Variants in MYO7A observed in about 807,000 individuals in gnomAD.
The protein encoded by MYO7A is myosin VIIA, also known as unconventional myosin-VIIa.
Under a neutral mutation model 263.8 loss-of-function variants are expected in MYO7A, and 210 were observed. The ratio of observed to expected loss-of-function variants is 0.80; its 90% confidence interval spans 0.71 to 0.89. MYO7A has a LOEUF of 0.89. Among genes scored for constraint, MYO7A ranks in the 40% least tolerant of loss-of-function variants. The probability of loss-of-function intolerance (pLI) is 0.00; values close to 1 mark genes in which losing one functional copy is unlikely to be tolerated. For synonymous variants in MYO7A, 1,239 were observed against 1,197.3 expected (o/e 1.03, Z -0.72); for missense variants, 2,820 against 2,968.3 (o/e 0.95, Z 1.16).
Position 77,142,849 on chromosome 11 carries a change from C to A in MYO7A, c.132+27C>A, listed in dbSNP as rs370588817. The A allele has an allele frequency of 3.9e-6, 6 of 1,553,626 alleles. No individual in the cohort carries two copies. In the African/African-American group the frequency reaches 6.8e-5, roughly 18 times the overall value. ...TGAGTAGTCCCCTCCCTCCTCCTGC[C>A]CCATGCCTTGGGGTCAGACCTGGGC... On this transcript the variant is annotated intron_variant, in intron 3 of 48. Transcript: ENST00000409709.
At position 77,189,385 on chromosome 11, in the gene MYO7A, A is replaced by G. The variant is rs782633598; in HGVS notation, c.3545A>G (p.Asn1182Ser). ...CAGATCAGCAAGCAGCTGACCCACA[A>G]CCCCTCCAAGAGCAGCTATGCCCGG... ...YCQISKQLTH[N>S]PSKSSYARGW... The change falls in exon 28 of 49, where the codon AAC (asparagine) becomes AGC (serine). Residue 1182 changes from asparagine (N) to serine (S), a missense_variant. By Grantham distance (46) the Asn-to-Ser change is conservative. Transcript: ENST00000409709. 1.9e-6 allele frequency: 3 copies of G among 1,613,514 alleles called. No homozygotes were observed. The East Asian group carries it at 6.7e-5, about 36-fold the overall frequency.
At chr11:77,178,376 C>T (rs1954861496) in intron 19 of MYO7A, among the ~76,000 whole-genome samples, 1 of 149,140 alleles carries the variant, frequency 6.7e-6, no homozygotes, top group Non-Finnish European at 1.5e-5. Flanking sequence ...ATTCACTCAT[C>T]AGTCCACCCA....
In MYO7A at chr11:77,213,009, G is replaced by A. The variant is rs367647666; in HGVS notation, c.6412G>A (p.Val2138Ile). The A allele has an allele frequency of 4.2e-5, 67 of 1,588,816 alleles. No homozygotes were observed. The highest frequency in any genetic ancestry group is 5.5e-5 in the Non-Finnish European group (64 of 1,166,978). The change falls in exon 47 of 49, where the codon GTC becomes ATC. Residue 2138 changes from valine to isoleucine, a missense_variant. Val to Ile is a conservative substitution (Grantham distance 29). Transcript: ENST00000409709. Reference sequence around the variant, plus strand: ...CCTAATTGCCATCAACAAGTATGGGGTCAGCCTCATCGATCCCAAAACGAA... The same window carrying A: ...CCTAATTGCCATCAACAAGTATGGGATCAGCCTCATCGATCCCAAAACGAA... The part of the protein sequence containing the change: ...ILLIAINKYG[V>I]SLIDPKTKDI...
In MYO7A at chr11:77,211,281, C is replaced by T. The variant is rs780940577; in HGVS notation, c.6181C>T (p.Arg2061Trp). 1.2e-5 allele frequency: 19 copies of T among 1,581,132 alleles called. No homozygotes were observed. Among genetic ancestry groups the T allele is most frequent in the South Asian group, 3.5e-5 (3 of 86,010 alleles). ...CTTCCCCAGCATCCCCAAGCTGCTG[C>T]GGGAGCTGGTGCCCCAGGACCTTAT... ...SYFPSIPKLL[R>W]ELVPQDLIRQ... The change falls in exon 45 of 49, where the codon CGG (arginine) becomes TGG (tryptophan). Residue 2061 changes from arginine to tryptophan, a missense_variant. Physicochemically the swap from Arg to Trp is moderately radical, Grantham distance 101. Coordinates refer to ENST00000409709, the MANE Select transcript of MYO7A (RefSeq NM_000260.4).
rs782339376 is a variant in MYO7A at position 77,181,450 on chromosome 11, AGAAGGAGCTCCTGG to A, written c.2766_2779del (p.Lys923AlafsTer8). On this transcript the variant is annotated frameshift_variant, in exon 23 of 49. Coordinates refer to ENST00000409709, the MANE Select transcript of MYO7A (RefSeq NM_000260.4). LOFTEE classifies it high-confidence loss of function. ...AAGGAGAAGGAGGCCGCTCGGCGGAAGAAGGAGCTCCTGGAGCAGATGGAAAGGGCCCGCCATGA... is the reference window on the plus strand; with the variant it reads ...AAGGAGAAGGAGGCCGCTCGGCGGAAAGCAGATGGAAAGGGCCCGCCATGA... The A allele has an allele frequency of 4.6e-5, 74 of 1,608,872 alleles. No homozygotes were observed. The highest frequency in any genetic ancestry group is 5.9e-6 in the Non-Finnish European group (7 of 1,178,152).
At chr11:77,181,898 C>A (rs946623749) in intron 23 of MYO7A, 53 bp from the exon 24 acceptor site, 1 of 1,570,840 alleles carries the variant, frequency 6.4e-7, no homozygotes, top group Non-Finnish European at 8.7e-7. Context: ...GATCCTCCCA[C>A]CTGAGCTTCC....
At chr11:77,161,665 G>T (rs886121917) in intron 12 of MYO7A, among the ~76,000 whole-genome samples, 5 of 152,276 alleles carry the variant, frequency 3.3e-5, no homozygotes, top group Non-Finnish European at 7.4e-5. Context: ...GGCTGTGTCC[G>T]TGGCTCGGCC....
intron 4 of MYO7A, among the ~76,000 whole-genome samples, chr11:77,153,066 G>A (rs1156790172): frequency 2.6e-5 from 4 of 152,168 alleles, no homozygotes; most frequent in African/African-American, 9.7e-5. Context: ...CAGCTGGAGG[G>A]TTTTCAGCAG....
chr11:77,179,777 C>T lies in MYO7A; in HGVS notation c.2410C>T (p.Arg804Trp), dbSNP rs778880077. 9.0e-6 allele frequency: 14 copies of T among 1,551,306 alleles called. No homozygotes were observed. The highest frequency in any genetic ancestry group is 7.7e-5 in the Admixed American group (4 of 52,074). ...GCGGCTGCAGGCCCTGCACCGCTCC[C>T]GGAAGCTGCACCAGCAGTACCGCCT... ...FLRLQALHRS[R>W]KLHQQYRLAR... The change falls in exon 21 of 49, where the codon CGG becomes TGG. Residue 804 changes from arginine to tryptophan, a missense_variant. Arg to Trp is a moderately radical substitution (Grantham distance 101). Transcript: ENST00000409709.
intron 40 of MYO7A, 119 bp downstream of exon 40, chr11:77,205,736 A>T: frequency 2.2e-6 from 3 of 1,336,792 alleles, no homozygotes; most frequent in Non-Finnish European, 3.1e-6. Flanking sequence ...CCCCTGGGGT[A>T]CCTCAACTGC....
Position 77,189,410 on chromosome 11 carries a change from G to A in MYO7A, c.3570G>A (p.Arg1190=). The A allele has an allele frequency of 6.2e-7, 1 of 1,613,932 alleles. No homozygotes were observed. Residue 1190 remains arginine (R), a synonymous_variant, in exon 28 of 49, where the codon CGG becomes CGA. Coordinates refer to ENST00000409709, the MANE Select transcript of MYO7A (RefSeq NM_000260.4). ...THNPSKSSYA[R]GWILVSLCVG... ...ACCCCTCCAAGAGCAGCTATGCCCGGGGCTGGATTCTCGTGTCTCTCTGCG... is the reference window on the plus strand; with the variant it reads ...ACCCCTCCAAGAGCAGCTATGCCCGAGGCTGGATTCTCGTGTCTCTCTGCG...
intron 9 of MYO7A, among the ~76,000 whole-genome samples, 168 bp downstream of exon 9, chr11:77,158,598 T>C (rs571144939): frequency 1.3e-5 from 2 of 152,322 alleles, no homozygotes; most frequent in East Asian, 3.9e-4. Flanking sequence ...GTCTGCTAGA[T>C]TGAAATCAGC....
chr11:77,160,415 GTCGGC>G, intron 11 of MYO7A, 133 bp downstream of exon 11: 1 of 1,332,812 alleles, frequency 7.5e-7, no homozygotes, highest in Non-Finnish European at 1.0e-6. Context: ...CGGGGCTGCA[GTCGGC>G]CTTCCTTGAG....
intron 3 of MYO7A, among the ~76,000 whole-genome samples, chr11:77,146,739 C>A (rs1951596013): frequency 6.6e-6 from 1 of 152,036 alleles, no homozygotes; most frequent in Non-Finnish European, 1.5e-5. Flanking sequence ...CCCTTTCCCC[C>A]CAGAAGGCAG....
intron 14 of MYO7A, among the ~76,000 whole-genome samples, chr11:77,164,300 G>T (rs1463301744): frequency 2.0e-5 from 3 of 151,952 alleles, no homozygotes; most frequent in African/African-American, 7.3e-5. Context: ...TTAGTTATGG[G>T]CTGTGTCTAC....
chr11:77,213,753 G>T, intron 47 of MYO7A, 107 bp from the exon 48 acceptor site: 2 of 1,520,976 alleles, frequency 1.3e-6, no homozygotes, highest in African/African-American at 1.4e-5. Flanking sequence ...TTTTCCCTCC[G>T]GCCATGGGCT....
At chr11:77,151,889 G>T (rs1952000088) in intron 4 of MYO7A, among the ~76,000 whole-genome samples, 1 of 152,338 alleles carries the variant, frequency 6.6e-6, no homozygotes, top group African/African-American at 2.4e-5. Context: ...GTTTGGGGAA[G>T]CCCAGGTGGA....
chr11:77,197,325 G>C (rs1339889970), intron 32 of MYO7A, among the ~76,000 whole-genome samples, 156 bp from the exon 33 acceptor site: 2 of 152,272 alleles, frequency 1.3e-5, no homozygotes, highest in Admixed American at 1.3e-4. Context: ...GGTGGGGACA[G>C]GGTGGCTGCA....
intron 30 of MYO7A, among the ~76,000 whole-genome samples, chr11:77,191,477 C>T (rs993078554): frequency 6.6e-6 from 1 of 152,178 alleles, no homozygotes; most frequent in East Asian, 1.9e-4. Context: ...GCTGCGCAGC[C>T]CTTGTGTGCA....
Sources: gnomAD v4.1 joint callset for allele counts (sites outside exome capture counted in the v4.1 genomes callset) on GRCh38, gnomAD v4.1.1 for gene constraint, MANE v1.5 for transcripts, NCBI Gene and HGNC (gene_info 2026-07-23, HGNC 2026-07-21) for gene names.